The following BRIP1 variants were observed in gnomAD, a reference collection of about 807,000 sequenced individuals.
BRIP1 encodes Fanconi anemia group J protein.
BRIP1 carries 88 observed loss-of-function variants against 119.7 expected under a neutral mutation model. That is an observed-to-expected ratio of 0.74 (90% CI 0.62 to 0.88). The LOEUF (loss-of-function observed/expected upper bound fraction) is 0.88, where lower values mean the gene tolerates loss of function less well. Ranked by LOEUF, BRIP1 falls within the 40% of genes least tolerant of loss-of-function variation. BRIP1 has a pLI of 0.00. For missense variants in BRIP1, 1,259 were observed against 1,455.4 expected (o/e 0.87, Z 2.20); for synonymous variants, 443 against 496.5 (o/e 0.89, Z 1.43).
At position 61,863,451 on chromosome 17, in the gene BRIP1, T is replaced by C. The variant is rs1027762321; in HGVS notation, c.-198A>G. On this transcript the variant is annotated 5_prime_UTR_variant, in exon 1 of 20. Transcript: ENST00000259008. ...GTGCTGCTACTTCCCCGGCCTTGTG[T>C]GCAGGACTGGGGCCGCCGTTACCTT... 1.3e-5 allele frequency: 2 copies of C among 152,164 alleles called. No individual in the cohort carries two copies. Among genetic ancestry groups the C allele is most frequent in the African/African-American group, 4.8e-5 (2 of 41,382 alleles). 9.4% of individuals were successfully genotyped at this position (152,164 alleles called of 1,614,324 possible). A position where few individuals can be genotyped will look rare whatever the true frequency, so the allele number is the denominator to read the frequency against.
rs1025920239 is a variant in BRIP1 at position 61,810,120 on chromosome 17, C to G, written c.628-1363G>C. Among the ~76,000 whole-genome samples, 1 of 152,230 alleles carries G rather than the reference C, an allele frequency of 6.6e-6. No individual in the cohort carries two copies. Among genetic ancestry groups the G allele is most frequent in the Non-Finnish European group, 1.5e-5 (1 of 68,038 alleles). ...AGTTACAGCCATGCTGGAATTGTTACATTCTCCTCTCAGGTTGCCAGTAAC... is the reference window on the plus strand; with the variant it reads ...AGTTACAGCCATGCTGGAATTGTTAGATTCTCCTCTCAGGTTGCCAGTAAC... On this transcript the variant is annotated intron_variant, in intron 6 of 19. Coordinates refer to ENST00000259008, the MANE Select transcript of BRIP1 (RefSeq NM_032043.3). The surrounding 1 kb of genome is among the most constrained non-coding windows in gnomAD (Gnocchi z 4.7).
rs2076761278 is a variant in BRIP1, at chr17:61,725,987, A to G, written c.2380-9924T>C. Among the ~76,000 whole-genome samples the G allele has an allele frequency of 6.6e-6, 1 of 152,186 alleles. No individual in the cohort carries two copies. The highest frequency in any genetic ancestry group is 1.5e-5 in the Non-Finnish European group (1 of 68,028). Reference sequence around the variant, plus strand: ...AATTTAGGTAGGTTATCCATGTTAAAATATTACTCAAACAAACCTGCAAAT... The same window carrying G: ...AATTTAGGTAGGTTATCCATGTTAAGATATTACTCAAACAAACCTGCAAAT... On this transcript the variant is annotated intron_variant, in intron 16 of 19. Coordinates refer to ENST00000259008, the MANE Select transcript of BRIP1 (RefSeq NM_032043.3). The surrounding 1 kb of genome is among the most constrained non-coding windows in gnomAD (Gnocchi z 5.3).
intron 17 of BRIP1, among the ~76,000 whole-genome samples, chr17:61,711,049 A>AC (rs1464910667): frequency 6.8e-6 from 1 of 147,450 alleles, no homozygotes; most frequent in Admixed American, 6.8e-5. Flanking sequence ...AAAAAAAAAA[A>AC]CAAACCCAAA....
intron 6 of BRIP1, among the ~76,000 whole-genome samples, chr17:61,836,988 A>C (rs1373055528): frequency 1.3e-5 from 2 of 152,238 alleles, no homozygotes; most frequent in Non-Finnish European, 2.9e-5. Context: ...TGAACAAGTT[A>C]TTCAAATACT....
intron 17 of BRIP1, among the ~76,000 whole-genome samples, chr17:61,696,985 C>CAAA (rs775489853): frequency 6.5e-4 from 47 of 72,470 alleles, no homozygotes; most frequent in African/African-American, 2.0e-3. Flanking sequence ...GACTCTGTCT[C>CAAA]AAAAAAAAAA....
rs1022707122 is a variant in BRIP1 at position 61,753,387 on chromosome 17, TA to T, written c.2098-8797del. 6.6e-6 allele frequency among the ~76,000 whole-genome samples: 1 copy of T among 152,188 alleles called. No individual in the cohort carries two copies. Among genetic ancestry groups the T allele is most frequent in the African/African-American group, 2.4e-5 (1 of 41,434 alleles). On this transcript the variant is annotated intron_variant, in intron 14 of 19. Coordinates refer to ENST00000259008, the MANE Select transcript of BRIP1 (RefSeq NM_032043.3). This position sits in a 1 kb window ranked among gnomAD's most constrained non-coding sequence, Gnocchi z 4.6. ...AAGGACCAAGACTGGAAGGAAAGAT[TA>T]AAAGTTTGTTGCCTTTAAGATATCC... is the stretch of plus-strand genomic sequence containing the variant.
rs758444508 is a variant in BRIP1 at position 61,686,124 on chromosome 17, T to C, written c.2617A>G (p.Thr873Ala). Residue 873 changes from threonine to alanine, a missense_variant, in exon 19 of 20, where the codon ACC becomes GCC. Around this residue, in one of 3 missense-constraint regions of BRIP1, gnomAD observed 753 missense variants for 891.8 expected, o/e 0.84. Transcript: ENST00000259008. This position sits in a 1 kb window ranked among gnomAD's most constrained non-coding sequence, Gnocchi z 5.4. ...AAGGATTCCAGTGCACTTTCAAAGG[T>C]TGAATGGTGCTGAATCTGCTGCCGT... Reference protein sequence around the residue: ...WVRQQIQHHSTFESALESLAE... With the variant: ...WVRQQIQHHSAFESALESLAE... The C allele has an allele frequency of 2.5e-6, 4 of 1,614,128 alleles. No homozygotes were observed. Among genetic ancestry groups the C allele is most frequent in the Non-Finnish European group, 3.4e-6 (4 of 1,179,972 alleles).
intron 6 of BRIP1, among the ~76,000 whole-genome samples, chr17:61,812,646 A>G (rs1047834064): frequency 6.6e-6 from 1 of 152,064 alleles, no homozygotes. Context: ...GACAGCTATA[A>G]TATTTCCATG....
chr17:61,721,382 G>T (rs1386081318), intron 16 of BRIP1, among the ~76,000 whole-genome samples: 1 of 146,816 alleles, frequency 6.8e-6, no homozygotes, highest in East Asian at 2.1e-4. Flanking sequence ...AGATTCTCCT[G>T]CCTCAGCCTC....
intron 10 of BRIP1, among the ~76,000 whole-genome samples, chr17:61,786,186 G>C (rs924452871): frequency 6.6e-6 from 1 of 151,788 alleles, no homozygotes; most frequent in Admixed American, 6.6e-5. Context: ...AAGAGAGAGC[G>C]CATGAGTGAG....
intron 17 of BRIP1, among the ~76,000 whole-genome samples, chr17:61,694,808 G>T (rs2061498708): frequency 6.6e-6 from 1 of 151,356 alleles, no homozygotes; most frequent in African/African-American, 2.4e-5. Flanking sequence ...CGTGCTTACT[G>T]GCCATTTGTG....
chr17:61,801,682 T>A (rs893686111), intron 7 of BRIP1, among the ~76,000 whole-genome samples: 1 of 152,224 alleles, frequency 6.6e-6, no homozygotes, highest in Admixed American at 6.5e-5. Flanking sequence ...CAGACTTAGA[T>A]AGAAGTCCAA....
chr17:61,751,036 G>A lies in BRIP1; in HGVS notation c.2098-6445C>T, dbSNP rs1209940430. 2.0e-5 allele frequency among the ~76,000 whole-genome samples: 3 copies of A among 152,128 alleles called. No individual in the cohort carries two copies. Among genetic ancestry groups the A allele is most frequent in the Non-Finnish European group, 2.9e-5 (2 of 68,026 alleles). On this transcript the variant is annotated intron_variant, in intron 14 of 19. Transcript: ENST00000259008. The surrounding 1 kb of genome is among the most constrained non-coding windows in gnomAD (Gnocchi z 6.7). ...GGATCCAAACAAACAGCTGTATGCT[G>A]ATGTTTATAGAAGCATTATTCCCAA...
intron 17 of BRIP1, among the ~76,000 whole-genome samples, chr17:61,714,335 A>C (rs934201493): frequency 2.0e-5 from 3 of 152,216 alleles, no homozygotes; most frequent in African/African-American, 7.2e-5. Context: ...TGTAAGCTCT[A>C]TTCGTGGTAA....
chr17:61,823,554 C>T lies in BRIP1; in HGVS notation c.628-14797G>A, dbSNP rs773919688. Among the ~76,000 whole-genome samples, 1 of 151,252 alleles carries T rather than the reference C, an allele frequency of 6.6e-6. No individual in the cohort carries two copies. Among genetic ancestry groups the T allele is most frequent in the Non-Finnish European group, 1.5e-5 (1 of 67,846 alleles). On this transcript the variant is annotated intron_variant, in intron 6 of 19. Coordinates refer to ENST00000259008, the MANE Select transcript of BRIP1 (RefSeq NM_032043.3). The surrounding 1 kb of genome is among the most constrained non-coding windows in gnomAD (Gnocchi z 4.8). Reference sequence around the variant, plus strand: ...AATAGAAGGTAGACAAAATGAAGCACAAAGAAGAAAAAATAGCTTAAAAAA... The same window carrying T: ...AATAGAAGGTAGACAAAATGAAGCATAAAGAAGAAAAAATAGCTTAAAAAA...
intron 16 of BRIP1, among the ~76,000 whole-genome samples, chr17:61,737,952 G>A (rs1316390774): frequency 6.6e-6 from 1 of 152,176 alleles, no homozygotes; most frequent in Non-Finnish European, 1.5e-5. Flanking sequence ...GGCAACAGGA[G>A]GTTAGCAGAT....
rs1048910529 is a variant in BRIP1 at position 61,824,582 on chromosome 17, T to A, written c.628-15825A>T. On this transcript the variant is annotated intron_variant, in intron 6 of 19. Transcript: ENST00000259008. This position sits in a 1 kb window ranked among gnomAD's most constrained non-coding sequence, Gnocchi z 4.3. The stretch of plus-strand genomic sequence containing the variant: ...GGAAAAGAACAGTTTTTTCAACAAA[T>A]GGTGCAGGGAAACCTGGATATCTAC... Among the ~76,000 whole-genome samples, 5 of 147,744 alleles carry A rather than the reference T, an allele frequency of 3.4e-5. No individual in the cohort carries two copies. The highest frequency in any genetic ancestry group is 1.3e-4 in the African/African-American group (5 of 39,942).
At chr17:61,732,522 C>T (rs113313750) in intron 16 of BRIP1, among the ~76,000 whole-genome samples, 102 of 152,184 alleles carry the variant, frequency 6.7e-4, no homozygotes, top group African/African-American at 2.3e-3. Context: ...GTTTCTATTC[C>T]ACCAAAGCAT....
intron 16 of BRIP1, among the ~76,000 whole-genome samples, chr17:61,718,317 G>A (rs1044350325): frequency 6.6e-6 from 1 of 152,162 alleles, no homozygotes; most frequent in Non-Finnish European, 1.5e-5. Flanking sequence ...GCAGCCTTTA[G>A]TCTAGGGCTA....
Sources: gnomAD v4.1 joint callset for allele counts (sites outside exome capture counted in the v4.1 genomes callset) on GRCh38, gnomAD v4.1.1 for gene constraint, gnomAD v4.1.1 regional missense constraint, Gnocchi (gnomAD v3.1) non-coding constraint, MANE v1.5 for transcripts, NCBI Gene and HGNC (gene_info 2026-07-23, HGNC 2026-07-21) for gene names.